GRM7: variants seen among roughly 807,000 people sequenced by gnomAD.
GRM7 encodes the protein glutamate metabotropic receptor 7, also known as metabotropic glutamate receptor 7.
Under a neutral mutation model 84.5 loss-of-function variants are expected in GRM7, and 35 were observed. The ratio of observed to expected loss-of-function variants is 0.41; its 90% confidence interval spans 0.32 to 0.55. GRM7 has a LOEUF of 0.55. GRM7 is among the 20% of genes least tolerant of loss of function. The pLI is 0.19. For missense variants in GRM7, 1,003 were observed against 1,194.6 expected (o/e 0.84, Z 2.36); for synonymous variants, 487 against 455.1 (o/e 1.07, Z -0.89).
chr3:7,611,340 C>T (rs1357234002), intron 8 of GRM7, among the ~76,000 whole-genome samples: 1 of 152,060 alleles, frequency 6.6e-6, no homozygotes, highest in Non-Finnish European at 1.5e-5. Flanking sequence ...AAACTATGTG[C>T]AGTGAGAAAC....
chr3:7,515,313 G>A (rs889964766), intron 7 of GRM7, among the ~76,000 whole-genome samples: 6 of 152,124 alleles, frequency 3.9e-5, no homozygotes, highest in Non-Finnish European at 7.4e-5. Context: ...GTTTGAGGGA[G>A]GAAGGGAGAC....
chr3:7,414,487 AG>A (rs1696075997), intron 4 of GRM7, among the ~76,000 whole-genome samples: 1 of 152,146 alleles, frequency 6.6e-6, no homozygotes, highest in Non-Finnish European at 1.5e-5. Flanking sequence ...GAACATTTAA[AG>A]TCACACTGTC....
intron 8 of GRM7, among the ~76,000 whole-genome samples, chr3:7,603,123 A>T (rs558322646): frequency 1.1e-4 from 17 of 152,186 alleles, no homozygotes; most frequent in Non-Finnish European, 2.4e-4. Context: ...ACCATTGAAT[A>T]TTGCACTAAT....
chr3:7,316,944 C>G (rs1427642729), intron 4 of GRM7, among the ~76,000 whole-genome samples: 1 of 152,020 alleles, frequency 6.6e-6, no homozygotes, highest in African/African-American at 2.4e-5. Flanking sequence ...ATTCTGTCAT[C>G]ACGAGGATAA....
intron 2 of GRM7, among the ~76,000 whole-genome samples, chr3:7,233,489 C>G (rs1194454852): frequency 1.3e-5 from 2 of 152,116 alleles, no homozygotes; most frequent in South Asian, 2.1e-4. Flanking sequence ...CAGATTGTAC[C>G]AGCTATTGTA....
Position 7,461,569 on chromosome 3 carries a change from TC to T in GRM7, c.1376-13del, listed in dbSNP as rs758901611. The stretch of plus-strand genomic sequence containing the variant: ...TTTAACTTTAGAATCTTTCATTTTT[TC>T]TGTCTTCCTTAGGTAGTGCTGGCAC... On this transcript the variant is annotated splice_polypyrimidine_tract_variant and intron_variant, in intron 6 of 9. Transcript: ENST00000357716. 9 of 1,606,068 alleles carry T rather than the reference TC, an allele frequency of 5.6e-6. No homozygotes were observed. The Admixed American group carries it at 6.7e-5, about 12-fold the overall frequency.
Position 7,624,183 on chromosome 3 carries a change from A to G in GRM7, c.2451+44826A>G, listed in dbSNP as rs569212075. Among the ~76,000 whole-genome samples the G allele has an allele frequency of 2.6e-5, 4 of 152,292 alleles. No homozygotes were observed. In the South Asian group the frequency reaches 8.3e-4, roughly 32 times the overall value. ...TAGTGTTAGAGGTTACATTCAAAAT[A>G]TGATGTAGAAGGTAAGCTGATGACT... On this transcript the variant is annotated intron_variant, in intron 8 of 9. Coordinates refer to ENST00000357716, the MANE Select transcript of GRM7 (RefSeq NM_000844.4).
At chr3:7,686,898 T>TACATTCAAAGAAGTGTAC (rs1432470400) in intron 9 of GRM7, among the ~76,000 whole-genome samples, 1 of 152,202 alleles carries the variant, frequency 6.6e-6, no homozygotes, top group Admixed American at 6.5e-5. Context: ...TTTTAGTAAA[T>TACATTCAAAGAAGTGTAC]ACATTCAAAG....
chr3:7,626,374 G>T (rs1488401698), intron 8 of GRM7, among the ~76,000 whole-genome samples: 1 of 152,216 alleles, frequency 6.6e-6, no homozygotes, highest in African/African-American at 2.4e-5. Context: ...TGTAGGCTCT[G>T]AAATCGCCAT....
intron 2 of GRM7, among the ~76,000 whole-genome samples, chr3:7,289,923 G>A (rs1699561216): frequency 6.6e-6 from 1 of 150,594 alleles, no homozygotes. Flanking sequence ...TGAGTTAATG[G>A]GTGCAGCACA....
intron 1 of GRM7, among the ~76,000 whole-genome samples, chr3:7,121,690 G>A (rs1019230658): frequency 5.9e-5 from 9 of 152,084 alleles, no homozygotes; most frequent in African/African-American, 2.2e-4. Context: ...AAGCCACTGG[G>A]GGTTACTATA....
intron 2 of GRM7, among the ~76,000 whole-genome samples, chr3:7,240,120 G>GTTTTTTGT (rs1343016922): frequency 3.8e-4 from 20 of 52,720 alleles, no homozygotes; most frequent in African/African-American, 1.3e-3. Flanking sequence ...AGCATGTGAG[G>GTTTTTTGT]TTTTTTTTTT....
intron 7 of GRM7, among the ~76,000 whole-genome samples, chr3:7,545,660 A>G (rs899097174): frequency 3.4e-4 from 52 of 152,226 alleles, no homozygotes; most frequent in African/African-American, 5.5e-4. Flanking sequence ...AATTGAATAT[A>G]TGGAGGTAGA....
chr3:7,630,516 G>A (rs750125697), intron 8 of GRM7, among the ~76,000 whole-genome samples: 1 of 152,144 alleles, frequency 6.6e-6, no homozygotes, highest in Non-Finnish European at 1.5e-5. Flanking sequence ...GATAACAAGG[G>A]GAAAGGGACT....
intron 8 of GRM7, among the ~76,000 whole-genome samples, chr3:7,624,724 T>C (rs1415813619): frequency 2.0e-5 from 3 of 152,186 alleles, no homozygotes; most frequent in Non-Finnish European, 4.4e-5. Flanking sequence ...AGGGGTTCAA[T>C]AAACATTAGT....
chr3:7,580,015 A>G (rs1695170801), intron 8 of GRM7, among the ~76,000 whole-genome samples: 1 of 152,246 alleles, frequency 6.6e-6, no homozygotes, highest in African/African-American at 2.4e-5. Context: ...AGGAAGAGTC[A>G]ATATTTGGTG....
intron 1 of GRM7, among the ~76,000 whole-genome samples, chr3:6,983,631 C>G (rs754460398): frequency 6.6e-6 from 1 of 152,114 alleles, no homozygotes; most frequent in Non-Finnish European, 1.5e-5. Flanking sequence ...CAGAGCCCTA[C>G]AAACTAATAA....
chr3:7,275,975 C>T (rs1055578190), intron 2 of GRM7, among the ~76,000 whole-genome samples: 11 of 152,072 alleles, frequency 7.2e-5, no homozygotes, highest in Non-Finnish European at 5.9e-5. Context: ...AGGTTTAGCT[C>T]ATGAGTTTTT....
chr3:7,494,478 TTAGCCTA>T (rs779455086), intron 7 of GRM7, among the ~76,000 whole-genome samples: 1 of 152,214 alleles, frequency 6.6e-6, no homozygotes, highest in African/African-American at 2.4e-5. Context: ...TTCAGCTTCT[TTAGCCTA>T]TAGGTTTGTG....
Sources: gnomAD v4.1 joint callset for allele counts (sites outside exome capture counted in the v4.1 genomes callset) on GRCh38, gnomAD v4.1.1 for gene constraint, MANE v1.5 for transcripts, NCBI Gene and HGNC (gene_info 2026-07-23, HGNC 2026-07-21) for gene names.